Variants in POU5F1B observed in about 807,000 individuals in gnomAD.
POU5F1B encodes POU domain, class 5, transcription factor 1B.
Under a neutral mutation model 28.1 loss-of-function variants are expected in POU5F1B, and 24 were observed. That is an observed-to-expected ratio of 0.85 (90% CI 0.62 to 1.20). The LOEUF (loss-of-function observed/expected upper bound fraction) is 1.20, where lower values mean the gene tolerates loss of function less well. Among genes scored for constraint, POU5F1B ranks in the 50% most tolerant of loss-of-function variants. POU5F1B has a pLI of 0.00. For missense variants in POU5F1B, 451 were observed against 451.5 expected, an observed-to-expected ratio of 1.00 and a Z score of 0.01; for synonymous variants, 220 against 193.2, an observed-to-expected ratio of 1.14 and a Z score of -1.15.
At chr8:127,416,734 G>A (rs750867584) in exon 3 of POU5F1B, 10 of 1,609,648 alleles carry the variant, frequency 6.2e-6, no homozygotes, top group South Asian at 1.1e-5. Flanking sequence ...ATCAAGCAGC[G>A]ACTATGCACA....
intron 1 of POU5F1B, among the ~76,000 whole-genome samples, chr8:127,413,625 C>T (rs1815091560): frequency 6.6e-6 from 1 of 152,206 alleles, no homozygotes; most frequent in Non-Finnish European, 1.5e-5. Context: ...CCCCATGAAA[C>T]CACAATGCCA....
In POU5F1B at chr8:127,416,869, T is replaced by C. The variant is rs148676795; in HGVS notation, c.1003T>C (p.Ser335Pro). 810 of 1,601,118 alleles carry C rather than the reference T, an allele frequency of 5.1e-4. 4 individuals carry two copies. In the African/African-American group the frequency reaches 0.01, roughly 20 times the overall value. The stretch of plus-strand genomic sequence containing the variant: ...CCCTCACTTCACTGCACTGTACTCC[T>C]CAGTCCCTTTCCCTGAGGGGGAAGT... Residue 335 changes from serine to proline, a missense_variant, in exon 3 of 3, where the codon TCA becomes CCA. Ser to Pro is a moderately conservative substitution (Grantham distance 74). Transcript: ENST00000465342.
chr8:127,416,056 C>G, exon 3 of POU5F1B: 2 of 1,610,276 alleles, frequency 1.2e-6, no homozygotes, highest in South Asian at 1.1e-5. Context: ...TCCCCCTTGC[C>G]CCCCGCCGTA....
exon 3 of POU5F1B, chr8:127,415,703 A>G (rs1475453580): frequency 1.7e-6 from 2 of 1,154,502 alleles, no homozygotes; most frequent in Non-Finnish European, 2.3e-6. Flanking sequence ...TTACTTTTGA[A>G]GAGTTCCTAA....
At chr8:127,416,982 G>C in exon 3 of POU5F1B, 1 of 1,583,184 alleles carries the variant, frequency 6.3e-7, no homozygotes, top group Non-Finnish European at 8.6e-7. Flanking sequence ...AACAGGGGAG[G>C]GGAGGAGCTA....
exon 3 of POU5F1B, chr8:127,416,814 G>T (rs1200581082): frequency 3.7e-6 from 6 of 1,605,176 alleles, no homozygotes; most frequent in Non-Finnish European, 5.1e-6. Flanking sequence ...CGGCCCCAGG[G>T]CCCCATTTTG....
exon 3 of POU5F1B, chr8:127,416,013 G>A (rs533483816): frequency 1.3e-5 from 20 of 1,599,422 alleles, no homozygotes; most frequent in East Asian, 4.5e-5. Context: ...GAATCGGGCC[G>A]GGGGTTGGGC....
exon 3 of POU5F1B, chr8:127,416,630 C>G: frequency 5.6e-6 from 9 of 1,599,510 alleles, no homozygotes; most frequent in Non-Finnish European, 7.7e-6. Flanking sequence ...TGCCCGAAAC[C>G]CACACTGCAG....
chr8:127,416,229 C>A (rs764655739), exon 3 of POU5F1B: 62 of 1,613,720 alleles, frequency 3.8e-5, no homozygotes, highest in Non-Finnish European at 5.3e-5. Flanking sequence ...CCCCTGGTGC[C>A]GTGAAGCTGG....
chr8:127,416,439 G>T (rs1208175301), exon 3 of POU5F1B: 1 of 1,608,376 alleles, frequency 6.2e-7, no homozygotes, highest in Non-Finnish European at 8.5e-7. Flanking sequence ...AGGCTCTGCA[G>T]CTTAGCTTCA....
chr8:127,417,211 G>GA (rs1554608621), exon 3 of POU5F1B: 6,049 of 288,078 alleles, frequency 0.021, 1 homozygote, highest in Middle Eastern at 0.06. Context: ...AAAAAAAAAA[G>GA]AAAGAAAAGA....
exon 3 of POU5F1B, chr8:127,416,178 G>A (rs578063220): frequency 3.7e-6 from 6 of 1,613,878 alleles, no homozygotes; most frequent in Middle Eastern, 1.7e-4. Context: ...TCGGGGTGGA[G>A]AGCAACTCCA....
exon 3 of POU5F1B, chr8:127,416,903 C>G: frequency 1.2e-6 from 2 of 1,600,228 alleles, no homozygotes; most frequent in Non-Finnish European, 1.7e-6. Context: ...GTCTTTCCCC[C>G]AGTCTCCGTC....
At chr8:127,416,467 C>T (rs1185178695) in exon 3 of POU5F1B, 2 of 1,608,768 alleles carry the variant, frequency 1.2e-6, no homozygotes, top group Admixed American at 1.7e-5. Context: ...GTGTAAGCTG[C>T]GGCCCTTGCT....
chr8:127,416,229 C>T (rs764655739), exon 3 of POU5F1B: 5 of 1,613,838 alleles, frequency 3.1e-6, no homozygotes, highest in East Asian at 2.2e-5. Context: ...CCCCTGGTGC[C>T]GTGAAGCTGG....
At chr8:127,413,756 T>A (rs1815093215) in intron 1 of POU5F1B, among the ~76,000 whole-genome samples, 1 of 152,160 alleles carries the variant, frequency 6.6e-6, no homozygotes, top group South Asian at 2.1e-4. Flanking sequence ...CTATTTCACT[T>A]TTCTGCTAAA....
At chr8:127,417,207 A>AAAAAAAAAC in exon 3 of POU5F1B, 1 of 236,870 alleles carries the variant, frequency 4.2e-6, no homozygotes, top group Non-Finnish European at 7.3e-6. Flanking sequence ...AAAAAAAAAA[A>AAAAAAAAAC]AAAGAAAGAA....
chr8:127,416,046 T>TC lies in POU5F1B; in HGVS notation c.185dup (p.Cys63LeufsTer6), dbSNP rs747688158. 1.9e-6 allele frequency: 3 copies of TC among 1,607,442 alleles called. No homozygotes were observed. Among genetic ancestry groups the TC allele is most frequent in the Non-Finnish European group, 2.5e-6 (3 of 1,177,592 alleles). On this transcript the variant is annotated frameshift_variant, in exon 3 of 3. Transcript: ENST00000465342. LOFTEE classifies it high-confidence loss of function. Reference sequence around the variant, plus strand: ...GGCCAGGCTCTGAGGTGTGGGGGATTCCCCCTTGCCCCCCGCCGTATGAGT... The same window carrying TC: ...GGCCAGGCTCTGAGGTGTGGGGGATTCCCCCCTTGCCCCCCGCCGTATGAGT...
chr8:127,416,645 G>A, exon 3 of POU5F1B: 2 of 1,600,978 alleles, frequency 1.2e-6, no homozygotes, highest in East Asian at 4.5e-5. Context: ...CTGCAGATCA[G>A]CCACATCGCC....
Sources: allele counts gnomAD v4.1 joint callset (sites outside exome capture counted in the v4.1 genomes callset), GRCh38; gene constraint gnomAD v4.1.1; transcripts MANE v1.5; gene names NCBI Gene and HGNC (gene_info 2026-07-23, HGNC 2026-07-21).